The following DRC12 variants were observed in gnomAD, a reference collection of about 807,000 sequenced individuals.
The protein encoded by DRC12 is dynein regulatory complex subunit 12 homolog, also known as dynein regulatory complex protein 12.
At chr11:119,190,427 T>C in the DRC12 span, 1 of 1,614,034 alleles carries the variant, frequency 6.2e-7, no homozygotes. The surrounding 1 kb of genome is among the most constrained non-coding windows in gnomAD (Gnocchi z 4.2). Context: ...GGCTCTCAGC[T>C]TGGCCAAGAG....
the DRC12 span, among the ~76,000 whole-genome samples, chr11:119,194,719 A>C: frequency 2.7e-5 from 4 of 149,730 alleles, no homozygotes; most frequent in Non-Finnish European, 4.4e-5. Context: ...AAACCAAAAA[A>C]AACAAAAAAC....
At chr11:119,190,288 C>T in the DRC12 span, 1 of 1,614,116 alleles carries the variant, frequency 6.2e-7, no homozygotes. This position sits in a 1 kb window ranked among gnomAD's most constrained non-coding sequence, Gnocchi z 4.2. Context: ...ATTGCTGGGG[C>T]CTCAGAGAAC....
chr11:119,191,523 T>C, the DRC12 span, among the ~76,000 whole-genome samples: 24 of 151,570 alleles, frequency 1.6e-4, no homozygotes, highest in East Asian at 4.4e-3. Flanking sequence ...CATTGATTCA[T>C]TGGCCGGGTG....
chr11:119,191,012 G>C, the DRC12 span, among the ~76,000 whole-genome samples: 3 of 152,298 alleles, frequency 2.0e-5, no homozygotes, highest in Admixed American at 6.5e-5. Flanking sequence ...GTATATAGCA[G>C]AGAGTGGCGG....
the DRC12 span, chr11:119,193,775 T>C: frequency 6.4e-7 from 1 of 1,551,692 alleles, no homozygotes; most frequent in Non-Finnish European, 8.7e-7. Flanking sequence ...CCTGCATATA[T>C]GGCCTTCCCT....
the DRC12 span, chr11:119,195,192 A>G: frequency 1.3e-5 from 8 of 627,768 alleles, no homozygotes; most frequent in Middle Eastern, 4.2e-4. Flanking sequence ...CAAAATACAC[A>G]TGACAAATAT....
At chr11:119,194,777 C>CT in the DRC12 span, 2 of 592,898 alleles carry the variant, frequency 3.4e-6, no homozygotes, top group East Asian at 2.9e-5. Context: ...ACTGCCCACC[C>CT]TCTCTCATCA....
the DRC12 span, among the ~76,000 whole-genome samples, chr11:119,194,241 G>A: frequency 5.9e-5 from 9 of 151,994 alleles, no homozygotes; most frequent in East Asian, 7.8e-4. Context: ...AGGGCCAGGC[G>A]CGGTGGCTCA....
At chr11:119,190,791 A>T in the DRC12 span, 1 of 1,613,960 alleles carries the variant, frequency 6.2e-7, no homozygotes, top group Non-Finnish European at 8.5e-7. This position sits in a 1 kb window ranked among gnomAD's most constrained non-coding sequence, Gnocchi z 4.2. Flanking sequence ...GCTCTCCGAG[A>T]GCTTGTTCAG....
At chr11:119,193,354 C>T in the DRC12 span, 2 of 938,456 alleles carry the variant, frequency 2.1e-6, no homozygotes, top group Non-Finnish European at 3.3e-6. Flanking sequence ...GGAACAGGAG[C>T]ACAAAGGCCT....
chr11:119,193,322 G>A, the DRC12 span: 8 of 1,235,266 alleles, frequency 6.5e-6, no homozygotes, highest in South Asian at 8.4e-5. Context: ...TTGTGGGTGG[G>A]GAAGACTCTA....
At chr11:119,195,569 C>A in the DRC12 span, 3 of 1,139,450 alleles carry the variant, frequency 2.6e-6, no homozygotes, top group Non-Finnish European at 3.8e-6. Flanking sequence ...TAGACTGAAC[C>A]AGGAGACTCT....
the DRC12 span, chr11:119,193,339 C>T: frequency 9.3e-7 from 1 of 1,075,146 alleles, no homozygotes; most frequent in South Asian, 1.3e-5. Flanking sequence ...TCTACTTGGT[C>T]TAGTGGAACA....
chr11:119,190,776 G>A, the DRC12 span: 1 of 1,614,012 alleles, frequency 6.2e-7, no homozygotes, highest in African/African-American at 1.3e-5. The surrounding 1 kb of genome is among the most constrained non-coding windows in gnomAD (Gnocchi z 4.2). Context: ...CCAGGGCCTG[G>A]TCCCGCTCTC....
chr11:119,193,108 G>T, the DRC12 span: 1 of 1,539,238 alleles, frequency 6.5e-7, no homozygotes, highest in Non-Finnish European at 9.0e-7. Context: ...GGCCCTTGCT[G>T]CAACTCTTGG....
the DRC12 span, chr11:119,195,559 T>A: frequency 8.1e-7 from 1 of 1,241,230 alleles, no homozygotes; most frequent in African/African-American, 1.5e-5. Flanking sequence ...TCCTGAGCTT[T>A]AGACTGAACC....
the DRC12 span, chr11:119,193,864 C>T: frequency 6.2e-5 from 96 of 1,551,514 alleles, no homozygotes; most frequent in Middle Eastern, 5.0e-4. Context: ...CTTGGCTCGA[C>T]GGGCTTCATC....
At chr11:119,194,949 TCCAGCACCA>T in the DRC12 span, 2 of 1,551,362 alleles carry the variant, frequency 1.3e-6, no homozygotes, top group African/African-American at 2.7e-5. Flanking sequence ...CAGCTCCTTC[TCCAGCACCA>T]CCAGCCTGTG....
At chr11:119,190,830 T>C in the DRC12 span, 1 of 1,612,356 alleles carries the variant, frequency 6.2e-7, no homozygotes, top group South Asian at 1.1e-5. The surrounding 1 kb of genome is among the most constrained non-coding windows in gnomAD (Gnocchi z 4.2). Flanking sequence ...CAGCCTCCCT[T>C]TGGCATGCCT....
Sources: allele counts gnomAD v4.1 joint callset (sites outside exome capture counted in the v4.1 genomes callset), GRCh38; gene constraint gnomAD v4.1.1; non-coding constraint Gnocchi (gnomAD v3.1); transcripts MANE v1.5; gene names NCBI Gene and HGNC (gene_info 2026-07-23, HGNC 2026-07-21).